Variants in ALDH1L1 observed in about 807,000 individuals in gnomAD.
The protein encoded by ALDH1L1 is aldehyde dehydrogenase 1 family member L1.
In ALDH1L1, 68 loss-of-function variants were observed where a neutral mutation model predicts 101.1. The observed-to-expected ratio is 0.67, with a 90% CI of 0.55 to 0.82. ALDH1L1 has a LOEUF of 0.82. Among genes scored for constraint, ALDH1L1 ranks in the 40% least tolerant of loss-of-function variants. The probability of loss-of-function intolerance (pLI) is 0.00; values close to 1 mark genes in which losing one functional copy is unlikely to be tolerated. For missense variants in ALDH1L1, 1,087 were observed against 1,172.7 expected, an observed-to-expected ratio of 0.93 and a Z score of 1.07; for synonymous variants, 486 against 470.8, an observed-to-expected ratio of 1.03 and a Z score of -0.42.
intron 1 of ALDH1L1, among the ~76,000 whole-genome samples, chr3:126,167,586 C>T (rs1234286794): frequency 6.6e-6 from 1 of 151,994 alleles, no homozygotes; most frequent in African/African-American, 2.4e-5. Context: ...GCAAAAATAT[C>T]CTCAGTGGCT....
At chr3:126,134,126 G>A (rs1173809980) in intron 12 of ALDH1L1, among the ~76,000 whole-genome samples, 1 of 152,130 alleles carries the variant, frequency 6.6e-6, no homozygotes, top group Non-Finnish European at 1.5e-5. Context: ...CATTTATCTG[G>A]GAGCTCCTGA....
upstream of ALDH1L1, among the ~76,000 whole-genome samples, chr3:126,186,183 G>C (rs2081517150): frequency 6.6e-6 from 1 of 152,082 alleles, no homozygotes; most frequent in Admixed American, 6.5e-5. Context: ...GTAAATTTTG[G>C]GTTATGTTTA....
Position 126,150,684 on chromosome 3 carries a change from T to C in ALDH1L1, c.859-153A>G, listed in dbSNP as rs1226525882. 9.2e-6 allele frequency: 8 copies of C among 873,530 alleles called. No homozygotes were observed. In the Admixed American group the frequency reaches 1.8e-4, roughly 20 times the overall value. The allele number at this position is 873,530 out of a possible 1,614,324, so 54.1% of individuals were successfully genotyped here. A position where few individuals can be genotyped will look rare whatever the true frequency, so the allele number is the denominator to read the frequency against. On this transcript the variant is annotated intron_variant, in intron 7 of 22. Transcript: ENST00000393434. ...ATTCTCCTGCCTCAGCCCTCCTGAA[T>C]AGCTGGGATTACAGGCGCGCACCAC...
intron 1 of ALDH1L1, among the ~76,000 whole-genome samples, chr3:126,164,353 C>T (rs2081122207): frequency 6.6e-6 from 1 of 152,140 alleles, no homozygotes; most frequent in African/African-American, 2.4e-5. Flanking sequence ...GCACAGTACC[C>T]AACGGAGTTT....
upstream of ALDH1L1, among the ~76,000 whole-genome samples, chr3:126,185,063 G>A (rs1450445098): frequency 6.6e-6 from 1 of 152,062 alleles, no homozygotes; most frequent in Admixed American, 6.5e-5. Context: ...CCTTTAAAGG[G>A]CCTGCATGCA....
intron 4 of ALDH1L1, chr3:126,156,595 GC>G (rs1250517046): frequency 6.6e-6 from 1 of 152,346 alleles, no homozygotes; most frequent in Non-Finnish European, 1.5e-5. Flanking sequence ...TGATCCCCGG[GC>G]CCCTCCTGCA....
chr3:126,148,868 T>G (rs761233783), intron 8 of ALDH1L1, among the ~76,000 whole-genome samples: 1 of 152,184 alleles, frequency 6.6e-6, no homozygotes, highest in Non-Finnish European at 1.5e-5. Context: ...AGTGGACACT[T>G]GCTGTCTAGG....
At chr3:126,189,214 A>C (rs750159565) in intron 1 of ALDH1L1, among the ~76,000 whole-genome samples, 1 of 152,266 alleles carries the variant, frequency 6.6e-6, no homozygotes, top group Non-Finnish European at 1.5e-5. Context: ...GTTCTGGATT[A>C]GCAGAAAAAA....
chr3:126,169,293 G>GT (rs1283620741), intron 1 of ALDH1L1, among the ~76,000 whole-genome samples: 1 of 152,086 alleles, frequency 6.6e-6, no homozygotes, highest in Non-Finnish European at 1.5e-5. Flanking sequence ...TTTAAAGCGT[G>GT]TTTTTTTCTC....
intron 15 of ALDH1L1, 131 bp downstream of exon 15, chr3:126,125,485 G>A (rs1276765291): frequency 3.4e-6 from 2 of 594,570 alleles, no homozygotes; most frequent in Non-Finnish European, 5.2e-6. Flanking sequence ...ATGGAGGGCA[G>A]CTGGCATTAG....
chr3:126,118,187 G>A (rs903269755), intron 16 of ALDH1L1, 89 bp from the exon 17 acceptor site: 15 of 1,039,402 alleles, frequency 1.4e-5, no homozygotes, highest in Admixed American at 5.9e-5. Context: ...AGGTTCACTG[G>A]GGGTCTGAGG....
At chr3:126,154,682 C>T in intron 5 of ALDH1L1, 39 bp from the exon 6 acceptor site, 1 of 1,580,568 alleles carries the variant, frequency 6.3e-7, no homozygotes, top group South Asian at 1.1e-5. Context: ...CTGGTCTCTC[C>T]TCACTCCCCT....
intron 12 of ALDH1L1, 29 bp downstream of exon 12, chr3:126,135,506 T>C (rs373504572): frequency 5.6e-6 from 9 of 1,594,916 alleles, no homozygotes; most frequent in Non-Finnish European, 6.8e-6. Flanking sequence ...ATGGTGGCAG[T>C]GGCTGGCAGG....
At chr3:126,126,571 G>C (rs1028676591) in intron 14 of ALDH1L1, among the ~76,000 whole-genome samples, 1 of 128,032 alleles carries the variant, frequency 7.8e-6, no homozygotes, top group African/African-American at 2.7e-5. Context: ...ACTGAGATAG[G>C]GGAGCTGCCC....
chr3:126,174,700 A>T (rs2108332021), intron 1 of ALDH1L1, among the ~76,000 whole-genome samples: 1 of 152,326 alleles, frequency 6.6e-6, no homozygotes, highest in South Asian at 2.1e-4. Context: ...AATATTTCAA[A>T]CTAAATTAAA....
At chr3:126,167,950 A>C (rs2081201031) in intron 1 of ALDH1L1, among the ~76,000 whole-genome samples, 1 of 152,182 alleles carries the variant, frequency 6.6e-6, no homozygotes, top group Non-Finnish European at 1.5e-5. Context: ...TTTTACCTTA[A>C]AGTTAAAAAT....
At chr3:126,107,292 C>A (rs769581839) in intron 20 of ALDH1L1, 46 bp from the exon 21 acceptor site, 1 of 1,504,088 alleles carries the variant, frequency 6.6e-7, no homozygotes. Flanking sequence ...ACACGGTGCC[C>A]GATGGTCCAG....
At chr3:126,117,238 TG>T (rs2079987690) in intron 17 of ALDH1L1, among the ~76,000 whole-genome samples, 1 of 143,628 alleles carries the variant, frequency 7.0e-6, no homozygotes, top group South Asian at 2.1e-4. Flanking sequence ...GAGACTCCAT[TG>T]AAAAAAAAAA....
chr3:126,190,540 C>T (rs1310530198), intron 1 of ALDH1L1, among the ~76,000 whole-genome samples: 1 of 152,206 alleles, frequency 6.6e-6, no homozygotes, highest in East Asian at 1.9e-4. Context: ...AATTGGTGCA[C>T]TGCACTGTTT....
Sources: gnomAD v4.1 joint callset for allele counts (sites outside exome capture counted in the v4.1 genomes callset) on GRCh38, gnomAD v4.1.1 for gene constraint, MANE v1.5 for transcripts, NCBI Gene and HGNC (gene_info 2026-07-23, HGNC 2026-07-21) for gene names.